The following TAFA1 variants were observed in gnomAD, a reference collection of about 807,000 sequenced individuals.
The protein encoded by TAFA1 is chemokine-like protein TAFA-1.
Under a neutral mutation model 18.5 loss-of-function variants are expected in TAFA1, and 4 were observed. The observed-to-expected ratio is 0.22, with a 90% CI of 0.11 to 0.49. The LOEUF (loss-of-function observed/expected upper bound fraction) is 0.49. Among genes scored for constraint, TAFA1 ranks in the 20% least tolerant of loss-of-function variants. The pLI is 0.98. For missense variants in TAFA1, 147 were observed against 169.0 expected (o/e 0.87, Z 0.72); for synonymous variants, 56 against 55.2 (o/e 1.01, Z -0.06).
At chr3:68,406,960 T>A (rs1180004482) in intron 2 of TAFA1, among the ~76,000 whole-genome samples, 2 of 152,182 alleles carry the variant, frequency 1.3e-5, no homozygotes, top group African/African-American at 4.8e-5. Context: ...ATATCCAACG[T>A]ATAAGCCATT....
At chr3:68,538,245 C>T (rs2073308671) in intron 3 of TAFA1, among the ~76,000 whole-genome samples, 1 of 152,120 alleles carries the variant, frequency 6.6e-6, no homozygotes, top group African/African-American at 2.4e-5. Flanking sequence ...CTCGCAGCCT[C>T]CAGAACAGTA....
chr3:68,226,730 T>C (rs2066805782), intron 2 of TAFA1, among the ~76,000 whole-genome samples: 1 of 152,184 alleles, frequency 6.6e-6, no homozygotes, highest in African/African-American at 2.4e-5. Context: ...ATTATTAGCT[T>C]TCTTTTGAAG....
At chr3:68,383,390 A>G (rs1387846030) in intron 2 of TAFA1, among the ~76,000 whole-genome samples, 1 of 152,180 alleles carries the variant, frequency 6.6e-6, no homozygotes, top group Non-Finnish European at 1.5e-5. Context: ...AGTTTTTAAC[A>G]TGAAGCAATG....
chr3:68,348,738 G>T (rs534067027), intron 2 of TAFA1, among the ~76,000 whole-genome samples: 1 of 151,850 alleles, frequency 6.6e-6, no homozygotes, highest in Non-Finnish European at 1.5e-5. Flanking sequence ...TTCTTCCCAC[G>T]CTCCTCCACC....
chr3:68,157,131 A>C lies in TAFA1; in HGVS notation c.118+150387A>C, dbSNP rs181368220. ...GAAAACATGTTTGGAGCATATTCAG[A>C]AAGCTGGGAAAGCTATTATTATTAT... On this transcript the variant is annotated intron_variant, in intron 2 of 4. Transcript: ENST00000478136. Among the ~76,000 whole-genome samples, 938 of 152,366 alleles carry C rather than the reference A, an allele frequency of 6.2e-3. 4 individuals carry two copies. The highest frequency in any genetic ancestry group is 9.4e-3 in the Non-Finnish European group (639 of 68,028).
At chr3:68,293,810 G>T (rs1210580201) in intron 2 of TAFA1, among the ~76,000 whole-genome samples, 1 of 152,164 alleles carries the variant, frequency 6.6e-6, no homozygotes. Context: ...GAGAACTGTG[G>T]TGAGAAAGGC....
intron 3 of TAFA1, among the ~76,000 whole-genome samples, chr3:68,463,396 C>G (rs960622242): frequency 2.6e-5 from 4 of 152,154 alleles, no homozygotes; most frequent in African/African-American, 9.7e-5. Flanking sequence ...AAGATGCTGT[C>G]ACTTATAAGG....
intron 2 of TAFA1, among the ~76,000 whole-genome samples, chr3:68,015,475 C>T (rs536736550): frequency 5.9e-5 from 9 of 151,978 alleles, no homozygotes; most frequent in South Asian, 4.2e-4. Context: ...TTAGAAGAGA[C>T]GAGGGTTTCA....
intron 2 of TAFA1, among the ~76,000 whole-genome samples, chr3:68,078,506 A>C (rs1357990005): frequency 6.6e-6 from 1 of 152,098 alleles, no homozygotes; most frequent in Non-Finnish European, 1.5e-5. Flanking sequence ...ATTTATTGAG[A>C]GTTTTTAGCA....
chr3:68,517,444 GGCT>G (rs2072940158), intron 3 of TAFA1, among the ~76,000 whole-genome samples: 1 of 152,080 alleles, frequency 6.6e-6, no homozygotes, highest in South Asian at 2.1e-4. Context: ...CTTTCACCCT[GGCT>G]GCTTGTTTAT....
chr3:68,456,189 T>A (rs1331227606), intron 3 of TAFA1, among the ~76,000 whole-genome samples: 1 of 152,196 alleles, frequency 6.6e-6, no homozygotes, highest in African/African-American at 2.4e-5. Context: ...ACAAAAAGCC[T>A]GGAAATTGGT....
At chr3:68,375,730 C>T (rs1683966589) in intron 2 of TAFA1, among the ~76,000 whole-genome samples, 1 of 152,160 alleles carries the variant, frequency 6.6e-6, no homozygotes, top group Non-Finnish European at 1.5e-5. Flanking sequence ...GTATCAGGCT[C>T]AGTGCTACAT....
intron 3 of TAFA1, among the ~76,000 whole-genome samples, chr3:68,486,097 A>G (rs958150062): frequency 1.2e-4 from 13 of 107,598 alleles, no homozygotes; most frequent in African/African-American, 4.8e-4. Context: ...ATTTTATTTT[A>G]TTTTGTTTTA....
intron 2 of TAFA1, among the ~76,000 whole-genome samples, chr3:68,317,241 AC>A (rs2068618984): frequency 1.3e-5 from 2 of 152,130 alleles, no homozygotes; most frequent in South Asian, 4.1e-4. Context: ...TTTTACAGAG[AC>A]CCCTTTCTTC....
intron 3 of TAFA1, among the ~76,000 whole-genome samples, chr3:68,495,677 T>A (rs1329418324): frequency 2.0e-5 from 3 of 152,100 alleles, no homozygotes; most frequent in Non-Finnish European, 4.4e-5. Context: ...TCTTGATCAT[T>A]TTGAATGATC....
At chr3:68,192,138 T>G (rs1325254012) in intron 2 of TAFA1, among the ~76,000 whole-genome samples, 1 of 151,846 alleles carries the variant, frequency 6.6e-6, no homozygotes, top group Non-Finnish European at 1.5e-5. Flanking sequence ...AACTATTTAC[T>G]GAGTAACTAC....
chr3:68,137,924 C>G (rs976895604), intron 2 of TAFA1, among the ~76,000 whole-genome samples: 3 of 151,654 alleles, frequency 2.0e-5, no homozygotes, highest in Non-Finnish European at 2.9e-5. Context: ...AAAGTATTTT[C>G]TTATAGCCAA....
At chr3:68,304,408 G>C (rs1019328537) in intron 2 of TAFA1, among the ~76,000 whole-genome samples, 13 of 152,232 alleles carry the variant, frequency 8.5e-5, no homozygotes, top group Middle Eastern at 3.4e-3. Context: ...TACCTTTCTA[G>C]TATGGCTATA....
At chr3:68,169,266 A>G (rs56048034) in intron 2 of TAFA1, among the ~76,000 whole-genome samples, 2,107 of 152,158 alleles carry the variant, frequency 0.014, 20 homozygotes, top group Middle Eastern at 0.024. Flanking sequence ...ACGGGCTGCT[A>G]TGTCATGATG....
Sources: gnomAD v4.1 joint callset for allele counts (sites outside exome capture counted in the v4.1 genomes callset) on GRCh38, gnomAD v4.1.1 for gene constraint, MANE v1.5 for transcripts, NCBI Gene and HGNC (gene_info 2026-07-23, HGNC 2026-07-21) for gene names.